Variants in ITPR3 observed in about 807,000 individuals in gnomAD.
The protein encoded by ITPR3 is inositol 1,4,5-trisphosphate receptor type 3, also known as inositol 1,4,5-trisphosphate-gated calcium channel ITPR3.
ITPR3 carries 173 observed loss-of-function variants against 293.2 expected under a neutral mutation model. The observed-to-expected ratio is 0.59, with a 90% confidence interval of 0.52 to 0.67. The LOEUF (loss-of-function observed/expected upper bound fraction) is 0.67, where lower values mean the gene tolerates loss of function less well. ITPR3 is among the 30% of genes least tolerant of loss of function. ITPR3 has a pLI of 0.00. For missense variants in ITPR3, 2,796 were observed against 3,592.1 expected (o/e 0.78, Z 5.66); for synonymous variants, 1,295 against 1,444.4 (o/e 0.90, Z 2.35).
At position 33,670,361 on chromosome 6, in the gene ITPR3, C is replaced by T. The variant is rs2229633; in HGVS notation, c.2226C>T (p.Asp742=). The T allele has an allele frequency of 5.2e-4, 841 of 1,614,120 alleles. 4 individuals are homozygous for T. In the African/African-American group the frequency reaches 6.2e-3, roughly 12 times the overall value. The change falls in exon 19 of 58, where the codon GAC becomes GAT. Residue 742 remains aspartate (D), a synonymous_variant. Transcript: ENST00000605930. The surrounding 1 kb of genome is among the most constrained non-coding windows in gnomAD (Gnocchi z 6.7). ...AGCTCTTTGCCCGCATGTGCTTGGA[C>T]CGCCAGTACTTGGCCATCGACGAGA... is the stretch of plus-strand genomic sequence containing the variant. The part of the protein sequence containing the change: ...QLKLFARMCL[D]RQYLAIDEIS...
intron 56 of ITPR3, 187 bp from the exon 57 acceptor site, chr6:33,694,737 G>A: frequency 3.0e-6 from 2 of 666,916 alleles, no homozygotes; most frequent in South Asian, 1.9e-5. Flanking sequence ...GTTGACAAGA[G>A]GGTTGACTGC....
intron 28 of ITPR3, among the ~76,000 whole-genome samples, 197 bp downstream of exon 28, chr6:33,677,826 C>T (rs1345821178): frequency 6.6e-6 from 1 of 152,150 alleles, no homozygotes; most frequent in Non-Finnish European, 1.5e-5. Flanking sequence ...CTCTACCCCT[C>T]ATCCTAATTC....
chr6:33,624,628 C>A lies in ITPR3; in HGVS notation c.89+2937C>A, dbSNP rs983272874. Among the ~76,000 whole-genome samples, 1 of 152,232 alleles carries A rather than the reference C, an allele frequency of 6.6e-6. No individual in the cohort carries two copies. Among genetic ancestry groups the A allele is most frequent in the Non-Finnish European group, 1.5e-5 (1 of 68,050 alleles). ...GAACTCTGGTCCCCTCTGCTTTTCC[C>A]GAGGCTGTTGGTGCCCATGTCTGTG... On this transcript the variant is annotated intron_variant, in intron 1 of 57. Transcript: ENST00000605930. The surrounding 1 kb of genome is among the most constrained non-coding windows in gnomAD (Gnocchi z 4.7).
In ITPR3 at chr6:33,659,043, T is replaced by G. The variant is rs376222480; in HGVS notation, c.551T>G (p.Ile184Ser). The stretch of plus-strand genomic sequence containing the variant: ...CAGGTGGTCGTGGGGGACAAGGTGA[T>G]CCTGAATCCTGTCAATGCCGGGCAG... ...GDNVVVGDKV[I>S]LNPVNAGQPL... The change falls in exon 6 of 58, where the codon ATC (isoleucine) becomes AGC (serine). Residue 184 changes from isoleucine (I) to serine (S), a missense_variant. Transcript: ENST00000605930. 1.9e-6 allele frequency: 3 copies of G among 1,613,854 alleles called. No individual in the cohort carries two copies. The highest frequency in any genetic ancestry group is 2.5e-6 in the Non-Finnish European group (3 of 1,179,978).
chr6:33,643,817 A>G (rs1764005158), intron 2 of ITPR3, among the ~76,000 whole-genome samples: 1 of 152,032 alleles, frequency 6.6e-6, no homozygotes, highest in Admixed American at 6.6e-5. Flanking sequence ...TCCCTAGCCT[A>G]CGCCTCCTCT....
At chr6:33,641,836 A>G (rs999328097) in intron 2 of ITPR3, among the ~76,000 whole-genome samples, 1 of 152,104 alleles carries the variant, frequency 6.6e-6, no homozygotes, top group Non-Finnish European at 1.5e-5. Flanking sequence ...TAGGTCTCAC[A>G]TCTTCAGCGA....
intron 9 of ITPR3, among the ~76,000 whole-genome samples, chr6:33,663,240 A>G (rs1536041): frequency 0.82 from 124,378 of 152,212 alleles, 51,018 homozygotes; most frequent in South Asian, 0.94. Context: ...AGGGGATACA[A>G]AGTGAGCAAA....
At position 33,691,734 on chromosome 6, in the gene ITPR3, T is replaced by C. The variant is rs373745191; in HGVS notation, c.7330+15T>C. 3.8e-5 allele frequency: 61 copies of C among 1,613,626 alleles called. No individual in the cohort carries two copies. The African/African-American group carries it at 6.8e-4, about 18-fold the overall frequency. On this transcript the variant is annotated intron_variant, in intron 53 of 57. Coordinates refer to ENST00000605930, the MANE Select transcript of ITPR3 (RefSeq NM_002224.4). This position sits in a 1 kb window ranked among gnomAD's most constrained non-coding sequence, Gnocchi z 4.9. ...GGTCCTGGAAGGTGAGGGTGGTGTGTGTGCAGGAGTCTGTGTGGGGTAGGA... is the reference window on the plus strand; with the variant it reads ...GGTCCTGGAAGGTGAGGGTGGTGTGCGTGCAGGAGTCTGTGTGGGGTAGGA...
intron 1 of ITPR3, among the ~76,000 whole-genome samples, chr6:33,629,008 A>G (rs1763611970): frequency 6.6e-6 from 1 of 152,120 alleles, no homozygotes; most frequent in South Asian, 2.1e-4. Context: ...GATGATGATG[A>G]TGGCAGTGGG....
chr6:33,648,022 C>CT (rs111886529), intron 2 of ITPR3, among the ~76,000 whole-genome samples: 2,130 of 151,874 alleles, frequency 0.014, 50 homozygotes, highest in African/African-American at 0.047. Flanking sequence ...CTTCTGCTAG[C>CT]TACCCCTGTG....
chr6:33,640,911 A>C (rs1350604047), intron 2 of ITPR3, among the ~76,000 whole-genome samples: 1 of 152,330 alleles, frequency 6.6e-6, no homozygotes, highest in Middle Eastern at 3.4e-3. Context: ...AGACTTTAGG[A>C]GGCCCTGGTG....
At position 33,638,286 on chromosome 6, in the gene ITPR3, G is replaced by T. The variant is rs1373528403; in HGVS notation, c.90-2198G>T. ...CCCAAAGTGCAGGGATTACAGGCAT[G>T]AGCCACCGCGTCCATCCACATAGGC... On this transcript the variant is annotated intron_variant, in intron 1 of 57. Transcript: ENST00000605930. The surrounding 1 kb of genome is among the most constrained non-coding windows in gnomAD (Gnocchi z 4.3). 2.0e-5 allele frequency among the ~76,000 whole-genome samples: 3 copies of T among 152,232 alleles called. No individual in the cohort carries two copies. Among genetic ancestry groups the T allele is most frequent in the African/African-American group, 7.2e-5 (3 of 41,458 alleles).
chr6:33,631,444 C>A (rs183676895), intron 1 of ITPR3, among the ~76,000 whole-genome samples: 1 of 152,218 alleles, frequency 6.6e-6, no homozygotes. Context: ...TTTAGGTAGC[C>A]GAAGCAGAGA....
intron 57 of ITPR3, 129 bp downstream of exon 57, chr6:33,695,214 G>C (rs1209772977): frequency 1.3e-5 from 13 of 1,018,678 alleles, no homozygotes; most frequent in Non-Finnish European, 1.7e-5. Flanking sequence ...GAGAAGGCAG[G>C]TGCCAAACCC....
chr6:33,671,933 A>G (rs1015881287), intron 21 of ITPR3, 96 bp from the exon 22 acceptor site: 1 of 1,199,390 alleles, frequency 8.3e-7, no homozygotes, highest in Non-Finnish European at 1.2e-6. Flanking sequence ...TGACATAAAC[A>G]GATTATGCAT....
rs765123685 is a variant in ITPR3 at position 33,685,658 on chromosome 6, T to C, written c.5498T>C (p.Phe1833Ser). Residue 1833 changes from phenylalanine to serine, a missense_variant, in exon 41 of 58, where the codon TTC (phenylalanine) becomes TCC (serine). Coordinates refer to ENST00000605930, the MANE Select transcript of ITPR3 (RefSeq NM_002224.4). ...DPTTKGRVAS[F>S]SIPGSSSRYS... ...TCGCCCACAGGCCGCGTGGCCTCCT[T>C]CTCGATACCTGGCTCCTCATCCCGC... The C allele has an allele frequency of 1.1e-5, 18 of 1,587,280 alleles. No homozygotes were observed. The highest frequency in any genetic ancestry group is 1.3e-5 in the Non-Finnish European group (15 of 1,163,880).
In ITPR3 at chr6:33,687,596, T is replaced by C; in HGVS notation, c.6264+32T>C. 2 of 1,201,060 alleles carry C rather than the reference T, an allele frequency of 1.7e-6. 1 individual carries two copies. The highest frequency in any genetic ancestry group is 2.4e-6 in the Non-Finnish European group (2 of 822,924). 74.4% of individuals were successfully genotyped at this position (1,201,060 alleles called of 1,614,324 possible). A position where few individuals can be genotyped will look rare whatever the true frequency, so the allele number is the denominator to read the frequency against. ...GCTGGCCCCGAGACTGGGGTGGGGG[T>C]GGGGCCTGGAACCCAGGGAGGACAC... On this transcript the variant is annotated intron_variant, in intron 46 of 57. Coordinates refer to ENST00000605930, the MANE Select transcript of ITPR3 (RefSeq NM_002224.4). This position sits in a 1 kb window ranked among gnomAD's most constrained non-coding sequence, Gnocchi z 5.3.
intron 1 of ITPR3, among the ~76,000 whole-genome samples, chr6:33,639,510 T>C (rs894692859): frequency 6.6e-6 from 1 of 152,108 alleles, no homozygotes; most frequent in Non-Finnish European, 1.5e-5. Flanking sequence ...GGTTTTCTCC[T>C]CAGTAAAATG....
chr6:33,660,292 G>T lies in ITPR3; in HGVS notation c.711+743G>T, dbSNP rs1764429221. On this transcript the variant is annotated intron_variant, in intron 7 of 57. Transcript: ENST00000605930. ...GGCAGGAACATCAGCTGTGAAACCT[G>T]TTAGAGGGACAGGTGACAGGCCCGA... is the stretch of plus-strand genomic sequence containing the variant. 2.0e-5 allele frequency among the ~76,000 whole-genome samples: 3 copies of T among 152,032 alleles called. No individual in the cohort carries two copies. The South Asian group carries it at 6.2e-4, about 32-fold the overall frequency.
Sources: gnomAD v4.1 joint callset for allele counts (sites outside exome capture counted in the v4.1 genomes callset) on GRCh38, gnomAD v4.1.1 for gene constraint, Gnocchi (gnomAD v3.1) non-coding constraint, MANE v1.5 for transcripts, NCBI Gene and HGNC (gene_info 2026-07-23, HGNC 2026-07-21) for gene names.